The following GAS7 variants were observed in gnomAD, a reference collection of about 807,000 sequenced individuals.
GAS7 encodes growth arrest-specific protein 7.
In GAS7, 28 loss-of-function variants were observed where a neutral mutation model predicts 71.1. That is an observed-to-expected ratio of 0.39 (90% CI 0.29 to 0.54). GAS7 has a LOEUF of 0.54. GAS7 is among the 20% of genes least tolerant of loss of function. The probability of loss-of-function intolerance (pLI) is 0.62; values close to 1 mark genes in which losing one functional copy is unlikely to be tolerated. For synonymous variants in GAS7, 258 were observed against 245.8 expected (o/e 1.05, Z -0.46); for missense variants, 436 against 627.8 (o/e 0.69, Z 3.27).
intron 1 of GAS7, among the ~76,000 whole-genome samples, chr17:10,115,319 G>A (rs2142070820): frequency 6.6e-6 from 1 of 152,306 alleles, no homozygotes; most frequent in Admixed American, 6.5e-5. Context: ...ACTGGCGGGT[G>A]CACAGGCGGG....
At position 10,016,751 on chromosome 17, in the gene GAS7, AAATAATAAT is replaced by A. The variant is rs4057773; in HGVS notation, c.304+3017_304+3025del. 8.4e-3 allele frequency among the ~76,000 whole-genome samples: 1,172 copies of A among 139,894 alleles called. 24 individuals are homozygous for A. The highest frequency in any genetic ancestry group is 0.064 in the East Asian group (307 of 4,818). The allele number at this position is 139,894 out of a possible 152,430, so 91.8% of individuals were successfully genotyped here. On this transcript the variant is annotated intron_variant, in intron 2 of 13. Coordinates refer to ENST00000432992, the MANE Select transcript of GAS7 (RefSeq NM_201433.2). Reference sequence around the variant, plus strand: ...TAACATGGCAAAACATCTCTACAAAAAATAATAATAATAATAATAATAATAATAATAATA... The same window carrying A: ...TAACATGGCAAAACATCTCTACAAAAAATAATAATAATAATAATAATAATA...
chr17:10,106,104 C>T (rs1403816780), intron 1 of GAS7, among the ~76,000 whole-genome samples: 1 of 152,200 alleles, frequency 6.6e-6, no homozygotes, highest in African/African-American at 2.4e-5. Flanking sequence ...TACTAACATT[C>T]CTCTTGTCAT....
intron 2 of GAS7, among the ~76,000 whole-genome samples, chr17:10,008,049 T>C (rs1275871955): frequency 1.3e-5 from 2 of 152,232 alleles, no homozygotes; most frequent in African/African-American, 4.8e-5. Context: ...TTGTAGCATG[T>C]ATCAGCCAGC....
chr17:10,057,808 AG>A (rs1174306502), intron 1 of GAS7, among the ~76,000 whole-genome samples: 1 of 152,268 alleles, frequency 6.6e-6, no homozygotes, highest in Non-Finnish European at 1.5e-5. Flanking sequence ...CGAATAGAAA[AG>A]GGGGAAATGT....
chr17:10,162,558 A>G (rs2074264751), intron 1 of GAS7, among the ~76,000 whole-genome samples: 1 of 152,164 alleles, frequency 6.6e-6, no homozygotes, highest in South Asian at 2.1e-4. Flanking sequence ...GTCACTTTTT[A>G]AAAGTTTGAT....
intron 2 of GAS7, among the ~76,000 whole-genome samples, chr17:10,003,345 C>T (rs1404606700): frequency 6.6e-6 from 1 of 152,220 alleles, no homozygotes; most frequent in Non-Finnish European, 1.5e-5. Flanking sequence ...CACCCAAAGC[C>T]CATGAGTACA....
chr17:10,046,849 GAAAAGAAAAGAA>G (rs1159129975), intron 1 of GAS7, among the ~76,000 whole-genome samples: 35 of 127,568 alleles, frequency 2.7e-4, no homozygotes, highest in Admixed American at 1.3e-3. Context: ...AGGAAGGAAA[GAAAAGAAAAGAA>G]AAAAGAAAAG....
intron 3 of GAS7, among the ~76,000 whole-genome samples, chr17:9,975,305 A>G (rs1178140995): frequency 2.0e-5 from 3 of 152,126 alleles, no homozygotes; most frequent in South Asian, 4.1e-4. Context: ...CAGTGAGCCA[A>G]GATCCTGGCA....
At chr17:10,136,483 C>T (rs931817915) in intron 1 of GAS7, among the ~76,000 whole-genome samples, 1 of 152,204 alleles carries the variant, frequency 6.6e-6, no homozygotes, top group African/African-American at 2.4e-5. Context: ...GATGCATTTT[C>T]TTCTCACAGG....
intron 2 of GAS7, among the ~76,000 whole-genome samples, chr17:9,995,449 T>C (rs987889693): frequency 2.0e-5 from 3 of 151,610 alleles, no homozygotes; most frequent in Admixed American, 1.3e-4. Flanking sequence ...TTGTGTGGTA[T>C]GAACTACCTA....
At position 9,981,841 on chromosome 17, in the gene GAS7, G is replaced by A. The variant is rs1420878136; in HGVS notation, c.348C>T (p.Ala116=). Residue 116 remains alanine, a synonymous_variant, in exon 3 of 14, where the codon GCC becomes GCT. Coordinates refer to ENST00000432992, the MANE Select transcript of GAS7 (RefSeq NM_201433.2). The surrounding 1 kb of genome is among the most constrained non-coding windows in gnomAD (Gnocchi z 4.4). ...GAGAGCTCCTGTGAGAGCCAGGGCTGGCTGGAATCCCAGGAGAACTGCTGG... is the reference window on the plus strand; with the variant it reads ...GAGAGCTCCTGTGAGAGCCAGGGCTAGCTGGAATCCCAGGAGAACTGCTGG... The part of the protein sequence containing the change: ...ERPSSSPGIP[A]SPGSHRSSLP... 1 of 1,606,858 alleles carries A rather than the reference G, an allele frequency of 6.2e-7. No individual in the cohort carries two copies.
intron 2 of GAS7, among the ~76,000 whole-genome samples, chr17:9,997,162 G>C (rs1334943318): frequency 7.9e-6 from 1 of 127,178 alleles, no homozygotes; most frequent in Non-Finnish European, 1.5e-5. Flanking sequence ...AGAACTACTT[G>C]AAAAATATTG....
chr17:10,081,138 T>C (rs1290402456), intron 1 of GAS7, among the ~76,000 whole-genome samples: 2 of 152,210 alleles, frequency 1.3e-5, no homozygotes, highest in African/African-American at 2.4e-5. Context: ...GTTAAGACCA[T>C]ATATGACCTC....
At chr17:10,023,810 T>G (rs959519228) in intron 1 of GAS7, among the ~76,000 whole-genome samples, 2 of 152,216 alleles carry the variant, frequency 1.3e-5, no homozygotes, top group Non-Finnish European at 2.9e-5. Context: ...TTTTGTCATG[T>G]GTATTGTACC....
chr17:10,065,170 G>A (rs758262042), intron 1 of GAS7, among the ~76,000 whole-genome samples: 2 of 152,152 alleles, frequency 1.3e-5, no homozygotes, highest in Non-Finnish European at 2.9e-5. Context: ...TTGGTAAAGG[G>A]CAAGGTATAC....
At chr17:9,985,943 A>C (rs554879649) in intron 2 of GAS7, among the ~76,000 whole-genome samples, 2 of 152,362 alleles carry the variant, frequency 1.3e-5, no homozygotes, top group East Asian at 3.9e-4. Flanking sequence ...ATCTGCCTCA[A>C]GTCTTCTTGA....
chr17:10,018,259 C>T (rs1159945521), intron 2 of GAS7, among the ~76,000 whole-genome samples: 1 of 152,190 alleles, frequency 6.6e-6, no homozygotes, highest in African/African-American at 2.4e-5. Flanking sequence ...TAGTCTCTAA[C>T]TTAAAAAAAG....
intron 11 of GAS7, among the ~76,000 whole-genome samples, chr17:9,921,749 G>C (rs950191629): frequency 5.3e-5 from 8 of 152,040 alleles, no homozygotes; most frequent in Non-Finnish European, 1.0e-4. Flanking sequence ...CACGAGGTCA[G>C]GACATCGAGA....
intron 1 of GAS7, among the ~76,000 whole-genome samples, chr17:10,077,849 A>G (rs1466003671): frequency 6.6e-6 from 1 of 152,236 alleles, no homozygotes; most frequent in African/African-American, 2.4e-5. Flanking sequence ...ATGAGATCTA[A>G]GAAATGACCA....
Sources: gnomAD v4.1 joint callset for allele counts (sites outside exome capture counted in the v4.1 genomes callset) on GRCh38, gnomAD v4.1.1 for gene constraint, Gnocchi (gnomAD v3.1) non-coding constraint, MANE v1.5 for transcripts, NCBI Gene and HGNC (gene_info 2026-07-23, HGNC 2026-07-21) for gene names.